TMEM232: variants seen among roughly 807,000 people sequenced by gnomAD.
TMEM232 encodes the protein transmembrane protein 232.
In TMEM232, 80 loss-of-function variants were observed where a neutral mutation model predicts 78.8. The observed-to-expected ratio is 1.01, with a 90% CI of 0.85 to 1.22. TMEM232 has a LOEUF of 1.22. TMEM232 is among the 50% of genes most tolerant of loss of function. The pLI is 0.00. For missense variants in TMEM232, 881 were observed against 742.2 expected (o/e 1.19, Z -2.17); for synonymous variants, 297 against 254.3 (o/e 1.17, Z -1.60).
chr5:110,669,436 G>T (rs1364348451), intron 1 of TMEM232, among the ~76,000 whole-genome samples: 1 of 152,170 alleles, frequency 6.6e-6, no homozygotes, highest in Admixed American at 6.5e-5. Context: ...CCAGGAAGAA[G>T]CTGAATCCCT....
intron 2 of TMEM232, among the ~76,000 whole-genome samples, chr5:110,662,355 T>G (rs1466031038): frequency 6.6e-6 from 1 of 152,080 alleles, no homozygotes; most frequent in Non-Finnish European, 1.5e-5. Context: ...TTGAGAAAAT[T>G]TCATAAATAA....
intron 11 of TMEM232, among the ~76,000 whole-genome samples, chr5:110,567,020 A>G (rs1776421233): frequency 6.6e-6 from 1 of 151,840 alleles, no homozygotes; most frequent in Non-Finnish European, 1.5e-5. Flanking sequence ...ATGTGCAGGG[A>G]AACTGTCTTT....
chr5:110,568,691 G>T, intron 10 of TMEM232, 66 bp from the exon 11 acceptor site: 1 of 1,427,320 alleles, frequency 7.0e-7, no homozygotes, highest in Non-Finnish European at 9.3e-7. Flanking sequence ...ATGATTGTGT[G>T]AAACAGAATA....
intron 12 of TMEM232, among the ~76,000 whole-genome samples, chr5:110,521,202 T>A (rs1471933968): frequency 1.3e-5 from 2 of 152,148 alleles, no homozygotes; most frequent in African/African-American, 4.8e-5. Flanking sequence ...TCTCATGGAA[T>A]ACCCTGATGA....
At chr5:110,525,717 T>C (rs536865339) in intron 12 of TMEM232, among the ~76,000 whole-genome samples, 1 of 151,478 alleles carries the variant, frequency 6.6e-6, no homozygotes, top group African/African-American at 2.4e-5. Context: ...ATAAACAAAA[T>C]AGCTAGGAAA....
intron 12 of TMEM232, among the ~76,000 whole-genome samples, chr5:110,457,380 C>G (rs1761021452): frequency 6.6e-6 from 1 of 152,044 alleles, no homozygotes; most frequent in Admixed American, 6.6e-5. Flanking sequence ...ATACCAAGTG[C>G]TGAAAACTAG....
intron 1 of TMEM232, among the ~76,000 whole-genome samples, chr5:110,726,050 A>T (rs1468334699): frequency 1.3e-5 from 2 of 151,832 alleles, no homozygotes; most frequent in Admixed American, 6.6e-5. Flanking sequence ...TTTTCTCAAG[A>T]TTAACGGCTT....
At chr5:110,583,896 T>C (rs1362528361) in intron 10 of TMEM232, among the ~76,000 whole-genome samples, 1 of 147,902 alleles carries the variant, frequency 6.8e-6, no homozygotes, top group Non-Finnish European at 1.5e-5. Flanking sequence ...TCAATATCAC[T>C]AATTATCAAG....
downstream of TMEM232, chr5:110,418,214 G>A (rs1464988219): frequency 1.3e-5 from 2 of 151,882 alleles, no homozygotes; most frequent in East Asian, 1.9e-4. Flanking sequence ...AATTCTCTCT[G>A]TTAAAATGAC....
intron 1 of TMEM232, among the ~76,000 whole-genome samples, chr5:110,695,364 T>C (rs1158181622): frequency 2.0e-5 from 3 of 152,096 alleles, no homozygotes; most frequent in Admixed American, 6.5e-5. Flanking sequence ...AGATCTAAAA[T>C]TGACACGGTA....
At chr5:110,563,348 CTT>C (rs1260808814) in intron 11 of TMEM232, among the ~76,000 whole-genome samples, 7 of 151,796 alleles carry the variant, frequency 4.6e-5, no homozygotes, top group East Asian at 3.9e-4. Flanking sequence ...AAAAGAATAT[CTT>C]ATATCAAATG....
intron 3 of TMEM232, 133 bp from the exon 4 acceptor site, chr5:110,641,129 T>C: frequency 2.0e-6 from 1 of 505,398 alleles, no homozygotes; most frequent in Non-Finnish European, 3.2e-6. Context: ...TTGTATACAA[T>C]TTTATATTTT....
intron 1 of TMEM232, among the ~76,000 whole-genome samples, chr5:110,701,096 T>C (rs970997929): frequency 6.6e-6 from 1 of 151,928 alleles, no homozygotes; most frequent in Non-Finnish European, 1.5e-5. Flanking sequence ...GATCATATTT[T>C]CTTCTCAAAA....
Position 110,640,964 on chromosome 5 carries a change from T to C in TMEM232, c.270A>G (p.Gly90=), listed in dbSNP as rs1269527375. ...ATGCAGCAGGAAGATGCACATGCCT[T>C]CCAGAGCCCAGGGTTTTGAGACCCA... ...RKLGLKTLGS[G]RHVHLPAAWT... is the part of the protein sequence containing the mutation. The change falls in exon 4 of 14, where the codon GGA becomes GGG. Residue 90 remains glycine, a synonymous_variant. Transcript: ENST00000455884. 1 of 1,537,738 alleles carries C rather than the reference T, an allele frequency of 6.5e-7. No individual in the cohort carries two copies.
intron 4 of TMEM232, among the ~76,000 whole-genome samples, chr5:110,388,714 A>G (rs1260793703): frequency 6.6e-6 from 1 of 152,174 alleles, no homozygotes; most frequent in Non-Finnish European, 1.5e-5. Flanking sequence ...AAAAGGGTTG[A>G]AGGCCATATA....
chr5:110,665,323 G>A (rs1217146976), intron 2 of TMEM232, among the ~76,000 whole-genome samples: 1 of 152,126 alleles, frequency 6.6e-6, no homozygotes, highest in African/African-American at 2.4e-5. Flanking sequence ...GAAGCGGGCT[G>A]TATAGGTAGT....
At chr5:110,519,063 A>C (rs547157565) in intron 12 of TMEM232, among the ~76,000 whole-genome samples, 1 of 152,326 alleles carries the variant, frequency 6.6e-6, no homozygotes, top group African/African-American at 2.4e-5. Context: ...AACAGAAATA[A>C]TTACAGGACC....
At chr5:110,423,978 A>C (rs1042509715) in intron 13 of TMEM232, among the ~76,000 whole-genome samples, 14 of 152,194 alleles carry the variant, frequency 9.2e-5, no homozygotes, top group African/African-American at 3.4e-4. Context: ...TTTATTAGTG[A>C]ATAATAGAAT....
At chr5:110,520,083 A>C (rs927130543) in intron 12 of TMEM232, among the ~76,000 whole-genome samples, 1 of 150,846 alleles carries the variant, frequency 6.6e-6, no homozygotes, top group African/African-American at 2.4e-5. Flanking sequence ...AGGTAGGAGG[A>C]GTAAGATCTG....
Sources: allele counts gnomAD v4.1 joint callset (sites outside exome capture counted in the v4.1 genomes callset), GRCh38; gene constraint gnomAD v4.1.1; transcripts MANE v1.5; gene names NCBI Gene and HGNC (gene_info 2026-07-23, HGNC 2026-07-21).